NPC1: variants seen among roughly 807,000 people sequenced by gnomAD.
NPC1 encodes NPC intracellular cholesterol transporter 1, also known as Niemann-Pick C1 protein.
A neutral mutation model predicts 140.4 loss-of-function variants in NPC1; 85 were observed. The observed-to-expected ratio is 0.61, with a 90% CI of 0.51 to 0.72. The LOEUF (loss-of-function observed/expected upper bound fraction) is 0.72, where lower values mean the gene tolerates loss of function less well. Ranked by LOEUF, NPC1 falls within the 30% of genes least tolerant of loss-of-function variation. The probability of loss-of-function intolerance (pLI) is 0.00; values close to 1 mark genes in which losing one functional copy is unlikely to be tolerated. For synonymous variants in NPC1, 656 were observed against 624.8 expected (o/e 1.05, Z -0.74); for missense variants, 1,504 against 1,623.8 (o/e 0.93, Z 1.27).
At chr18:23,555,611 A>G (rs2058939005) in intron 8 of NPC1, among the ~76,000 whole-genome samples, 4 of 152,244 alleles carry the variant, frequency 2.6e-5, no homozygotes, top group African/African-American at 9.6e-5. Context: ...TTCATTAAAA[A>G]AGAAGCCGGT....
At chr18:23,508,443 A>G (rs1011556369) in intron 3 of NPC1, among the ~76,000 whole-genome samples, 5 of 151,854 alleles carry the variant, frequency 3.3e-5, no homozygotes, top group Non-Finnish European at 5.9e-5. Context: ...CCTTTCCTCA[A>G]TTTGTTGTCT....
In NPC1 at chr18:23,561,527, G is replaced by A; in HGVS notation, c.464C>T (p.Ala155Val). 1 of 1,613,940 alleles carries A rather than the reference G, an allele frequency of 6.2e-7. No homozygotes were observed. Among genetic ancestry groups the A allele is most frequent in the South Asian group, 1.1e-5 (1 of 91,074 alleles). The change falls in exon 5 of 25, where the codon GCA becomes GTA. Residue 155 changes from alanine (A) to valine (V), a missense_variant and splice_region_variant. Coordinates refer to ENST00000269228, the MANE Select transcript of NPC1 (RefSeq NM_000271.5). ...QYYVGQSFANAMYNACRDVEA... is the reference protein window; with the variant it reads ...QYYVGQSFANVMYNACRDVEA... ...CACATCCCGGCAGGCATTGTACATT[G>A]CTAGAAGAGGAAACCCAAAGGAAAA... is the stretch of plus-strand genomic sequence containing the variant.
chr18:23,581,529 T>C (rs182431067), intron 1 of NPC1, among the ~76,000 whole-genome samples: 43 of 152,224 alleles, frequency 2.8e-4, no homozygotes, highest in African/African-American at 9.9e-4. Context: ...AAAAACAGCA[T>C]TACACCTACC....
At chr18:23,510,492 A>T (rs2145151474) in intron 3 of NPC1, among the ~76,000 whole-genome samples, 1 of 152,288 alleles carries the variant, frequency 6.6e-6, no homozygotes, top group Middle Eastern at 3.4e-3. Flanking sequence ...TATTAAAAAT[A>T]CAAAAATTAG....
chr18:23,580,066 G>T (rs2059339673), intron 1 of NPC1, among the ~76,000 whole-genome samples: 1 of 152,024 alleles, frequency 6.6e-6, no homozygotes, highest in Non-Finnish European at 1.5e-5. Context: ...AATACTTACT[G>T]AACATCTATT....
Position 23,536,730 on chromosome 18 carries a change from C to T in NPC1, c.3188G>A (p.Ser1063Asn). ...DALKKARLIASNVTETMGING... is the reference protein window; with the variant it reads ...DALKKARLIANNVTETMGING... The stretch of plus-strand genomic sequence containing the variant: ...AATGCCCATGGTTTCGGTGACATTA[C>T]TGGCTATAAGTCGGGCTTTCTTCAG... The change falls in exon 21 of 25, where the codon AGT becomes AAT. Residue 1063 changes from serine (S) to asparagine (N), a missense_variant. Coordinates refer to ENST00000269228, the MANE Select transcript of NPC1 (RefSeq NM_000271.5). 6.2e-7 allele frequency: 1 copy of T among 1,614,212 alleles called. No homozygotes were observed. Among genetic ancestry groups the T allele is most frequent in the Middle Eastern group, 1.6e-4 (1 of 6,062 alleles).
intron 23 of NPC1, 108 bp downstream of exon 23, chr18:23,534,338 C>T (rs941960626): frequency 5.1e-6 from 4 of 791,754 alleles, no homozygotes; most frequent in African/African-American, 1.7e-5. Flanking sequence ...TGAAAGCTTG[C>T]AATCCTTAGA....
downstream of NPC1, among the ~76,000 whole-genome samples, chr18:23,520,832 C>T (rs1294391506): frequency 6.6e-6 from 1 of 152,188 alleles, no homozygotes; most frequent in Non-Finnish European, 1.5e-5. Context: ...TCTCCTGCCT[C>T]AGCCTCCCAA....
At chr18:23,557,748 C>G (rs1598979797) in intron 6 of NPC1, among the ~76,000 whole-genome samples, 1 of 110,328 alleles carries the variant, frequency 9.1e-6, no homozygotes, top group African/African-American at 3.2e-5. Flanking sequence ...CTCAAAAAAA[C>G]AAACAAACAA....
chr18:23,550,978 C>T (rs1021937352), intron 10 of NPC1, among the ~76,000 whole-genome samples: 2 of 152,178 alleles, frequency 1.3e-5, no homozygotes, highest in African/African-American at 2.4e-5. Context: ...TCTCCCCTGC[C>T]ACCAAGTGAG....
chr18:23,534,105 A>G, intron 23 of NPC1: 1 of 461,892 alleles, frequency 2.2e-6, no homozygotes, highest in South Asian at 2.1e-5. Flanking sequence ...TGTAGAGTTG[A>G]ACCAAGACGA....
Position 23,560,080 on chromosome 18 carries a change from G to C in NPC1, c.881+151C>G, listed in dbSNP as rs2059016071. ...AACAGAACTTTGATGGTTTACTATAGAATAGCTGTAGGACACAATAATCCA... is the reference window on the plus strand; with the variant it reads ...AACAGAACTTTGATGGTTTACTATACAATAGCTGTAGGACACAATAATCCA... On this transcript the variant is annotated intron_variant, in intron 6 of 24. Coordinates refer to ENST00000269228, the MANE Select transcript of NPC1 (RefSeq NM_000271.5). The C allele has an allele frequency of 7.8e-6, 7 of 898,212 alleles. No homozygotes were observed. The South Asian group carries it at 1.0e-4, about 13-fold the overall frequency. 55.6% of individuals were successfully genotyped at this position (898,212 alleles called of 1,614,324 possible).
chr18:23,550,892 ACCATC>A (rs1344315186), intron 10 of NPC1, among the ~76,000 whole-genome samples: 3 of 152,172 alleles, frequency 2.0e-5, no homozygotes, highest in Admixed American at 6.5e-5. Context: ...AGTTGCTGAC[ACCATC>A]CCTTCTCCAA....
intron 1 of NPC1, among the ~76,000 whole-genome samples, chr18:23,584,926 A>G (rs1435147826): frequency 6.6e-6 from 1 of 152,178 alleles, no homozygotes; most frequent in Non-Finnish European, 1.5e-5. Context: ...TGCTCACAAT[A>G]ATCCCAGTGC....
chr18:23,551,064 AG>A (rs1429956345), intron 10 of NPC1, among the ~76,000 whole-genome samples: 2 of 152,218 alleles, frequency 1.3e-5, no homozygotes, highest in Non-Finnish European at 2.9e-5. Context: ...AAGATGCCAA[AG>A]GTGTCACATG....
At chr18:23,577,649 G>A (rs897474044) in intron 1 of NPC1, among the ~76,000 whole-genome samples, 6 of 152,258 alleles carry the variant, frequency 3.9e-5, no homozygotes, top group Non-Finnish European at 7.3e-5. Context: ...GCCCTTGGGT[G>A]GTCGATGGGA....
At chr18:23,513,432 TCC>T (rs1478647684) in intron 3 of NPC1, among the ~76,000 whole-genome samples, 1 of 152,256 alleles carries the variant, frequency 6.6e-6, no homozygotes, top group African/African-American at 2.4e-5. Flanking sequence ...ATTTTGCTTA[TCC>T]ATTCATCTGT....
At chr18:23,522,353 A>G (rs2058164626) in exon 2 of NPC1, 1 of 152,226 alleles carries the variant, frequency 6.6e-6, no homozygotes, top group African/African-American at 2.4e-5. Flanking sequence ...AATTGGGGGA[A>G]AAAAACTAAA....
chr18:23,559,038 C>A lies in NPC1; in HGVS notation c.881+1193G>T, dbSNP rs1347630786. Among the ~76,000 whole-genome samples the A allele has an allele frequency of 2.0e-5, 3 of 152,196 alleles. No individual in the cohort carries two copies. The East Asian group carries it at 5.8e-4, about 29-fold the overall frequency. On this transcript the variant is annotated intron_variant, in intron 6 of 24. Coordinates refer to ENST00000269228, the MANE Select transcript of NPC1 (RefSeq NM_000271.5). ...GTTTCCAGTTTCATCCAAGTCCCTA[C>A]AAAGGACATGAACTCATCATTTTTT...
Sources: gnomAD v4.1 joint callset for allele counts (sites outside exome capture counted in the v4.1 genomes callset) on GRCh38, gnomAD v4.1.1 for gene constraint, MANE v1.5 for transcripts, NCBI Gene and HGNC (gene_info 2026-07-23, HGNC 2026-07-21) for gene names.